The following DYM variants were observed in gnomAD, a reference collection of about 807,000 sequenced individuals.
The protein encoded by DYM is dyggve-Melchior-Clausen syndrome protein.
A neutral mutation model predicts 93.1 loss-of-function variants in DYM; 78 were observed. The ratio of observed to expected loss-of-function variants is 0.84; its 90% CI spans 0.70 to 1.01. DYM has a LOEUF of 1.01. Ranked by LOEUF, DYM falls within the 50% of genes least tolerant of loss-of-function variation. DYM has a pLI of 0.00. For synonymous variants in DYM, 321 were observed against 319.7 expected (o/e 1.00, Z -0.04); for missense variants, 789 against 845.0 (o/e 0.93, Z 0.82).
chr18:49,104,455 T>C (rs573286975), intron 16 of DYM, among the ~76,000 whole-genome samples: 17 of 152,188 alleles, frequency 1.1e-4, no homozygotes, highest in Non-Finnish European at 1.8e-4. Flanking sequence ...CTATGTTGAA[T>C]AGGAGTGGTG....
chr18:49,069,289 C>T (rs1175353720), intron 17 of DYM, among the ~76,000 whole-genome samples: 1 of 152,186 alleles, frequency 6.6e-6, no homozygotes, highest in African/African-American at 2.4e-5. Flanking sequence ...AGAAAACTAA[C>T]CTGCTAAAGA....
intron 14 of DYM, among the ~76,000 whole-genome samples, chr18:49,191,256 G>A (rs2090944053): frequency 6.6e-6 from 1 of 152,064 alleles, no homozygotes; most frequent in Admixed American, 6.5e-5. Flanking sequence ...GAAGCTATGA[G>A]ACTATTAATC....
At chr18:49,316,382 T>C (rs898702139) in intron 8 of DYM, among the ~76,000 whole-genome samples, 11 of 152,310 alleles carry the variant, frequency 7.2e-5, no homozygotes, top group African/African-American at 2.6e-4. Context: ...ACTGGCTTAT[T>C]TTGTAAAACT....
intron 11 of DYM, among the ~76,000 whole-genome samples, chr18:49,260,704 C>G (rs1354848655): frequency 6.6e-6 from 1 of 152,152 alleles, no homozygotes; most frequent in Non-Finnish European, 1.5e-5. Context: ...GAGTTCCCAT[C>G]TTGAACACTA....
chr18:49,458,828 G>A (rs1338091595), intron 1 of DYM, among the ~76,000 whole-genome samples: 1 of 152,108 alleles, frequency 6.6e-6, no homozygotes, highest in African/African-American at 2.4e-5. Context: ...GACAGAGCGA[G>A]ACTCTGCCTC....
At position 49,336,602 on chromosome 18, in the gene DYM, C is replaced by T. The variant is rs115241058; in HGVS notation, c.495-2749G>A. ...CAGAGAAACAAATTATATCAAATTG[C>T]TTATCACACAGTATTTTTGCTCATA... is the stretch of plus-strand genomic sequence containing the variant. On this transcript the variant is annotated intron_variant, in intron 6 of 17. Coordinates refer to ENST00000675505, the MANE Select transcript of DYM (RefSeq NM_001353214.3). 5.3e-3 allele frequency among the ~76,000 whole-genome samples: 802 copies of T among 152,224 alleles called. 10 individuals carry two copies. Among genetic ancestry groups the T allele is most frequent in the African/African-American group, 0.018 (753 of 41,538 alleles).
rs192668912 is a variant in DYM at position 49,276,548 on chromosome 18, A to T, written c.1126-4245T>A. 3.4e-4 allele frequency among the ~76,000 whole-genome samples: 52 copies of T among 152,286 alleles called. 1 individual carries two copies. Among genetic ancestry groups the T allele is most frequent in the African/African-American group, 1.2e-3 (51 of 41,582 alleles). On this transcript the variant is annotated intron_variant, in intron 10 of 17. Transcript: ENST00000675505. ...GGAAAAAGGAGAAAATTTCAAGGAG[A>T]AGTATTCTAGAGAGAAAAACCAAGT...
intron 15 of DYM, among the ~76,000 whole-genome samples, chr18:49,161,374 G>A (rs1161733282): frequency 6.6e-6 from 1 of 152,154 alleles, no homozygotes; most frequent in African/African-American, 2.4e-5. Context: ...GATTAAAGAA[G>A]AATGCTACTA....
chr18:49,290,067 CTT>C (rs1028667634), intron 8 of DYM, among the ~76,000 whole-genome samples: 1 of 144,636 alleles, frequency 6.9e-6, no homozygotes, highest in Non-Finnish European at 1.5e-5. Flanking sequence ...CCCAGCAATT[CTT>C]TTTTTTTTTC....
At chr18:49,245,216 T>C (rs1265866542) in intron 13 of DYM, among the ~76,000 whole-genome samples, 1 of 152,206 alleles carries the variant, frequency 6.6e-6, no homozygotes, top group Non-Finnish European at 1.5e-5. Flanking sequence ...GTGATGATTG[T>C]GTTAACTGTA....
At chr18:49,230,961 T>A (rs1278443104) in intron 13 of DYM, among the ~76,000 whole-genome samples, 1 of 152,208 alleles carries the variant, frequency 6.6e-6, no homozygotes, top group Non-Finnish European at 1.5e-5. Flanking sequence ...CACATAGAGC[T>A]TAAATAATCA....
At chr18:49,440,293 C>G (rs1226441479) in intron 1 of DYM, among the ~76,000 whole-genome samples, 1 of 137,720 alleles carries the variant, frequency 7.3e-6, no homozygotes, top group Admixed American at 7.9e-5. Flanking sequence ...ATTCTACACT[C>G]TATTCCAGAA....
intron 1 of DYM, among the ~76,000 whole-genome samples, chr18:49,444,403 A>G (rs971687249): frequency 2.0e-5 from 3 of 152,182 alleles, no homozygotes; most frequent in Admixed American, 1.3e-4. Context: ...CAGACTTGAT[A>G]TATCTGTTAA....
intron 6 of DYM, among the ~76,000 whole-genome samples, chr18:49,341,243 C>T (rs1244082995): frequency 2.0e-5 from 3 of 152,106 alleles, no homozygotes; most frequent in Non-Finnish European, 4.4e-5. Context: ...GTAATCCCAG[C>T]ACTTTGGGAG....
At chr18:49,106,428 G>A (rs1248954022) in intron 16 of DYM, among the ~76,000 whole-genome samples, 1 of 152,166 alleles carries the variant, frequency 6.6e-6, no homozygotes, top group African/African-American at 2.4e-5. Flanking sequence ...ATTGTTATGT[G>A]TGAATTTGAT....
intron 14 of DYM, among the ~76,000 whole-genome samples, chr18:49,203,663 T>A (rs1293492155): frequency 1.4e-5 from 2 of 141,068 alleles, no homozygotes; most frequent in African/African-American, 5.3e-5. Flanking sequence ...AGCATGCTCG[T>A]TAAGAGTCAT....
chr18:49,075,129 G>A (rs1216855890), intron 17 of DYM, among the ~76,000 whole-genome samples: 1 of 152,156 alleles, frequency 6.6e-6, no homozygotes, highest in Non-Finnish European at 1.5e-5. Context: ...GAACAGCATA[G>A]ATTTTACAGC....
At chr18:49,062,331 T>C (rs1462235676) in intron 17 of DYM, among the ~76,000 whole-genome samples, 2 of 152,216 alleles carry the variant, frequency 1.3e-5, no homozygotes, top group African/African-American at 4.8e-5. Flanking sequence ...AACGATTAAC[T>C]TTCTGATCAC....
intron 2 of DYM, among the ~76,000 whole-genome samples, chr18:49,399,815 A>C (rs2148019337): frequency 6.6e-6 from 1 of 152,104 alleles, no homozygotes; most frequent in African/African-American, 2.4e-5. Context: ...AGGAGACAGA[A>C]TTATTTCCCC....
Sources: gnomAD v4.1 joint callset for allele counts (sites outside exome capture counted in the v4.1 genomes callset) on GRCh38, gnomAD v4.1.1 for gene constraint, MANE v1.5 for transcripts, NCBI Gene and HGNC (gene_info 2026-07-23, HGNC 2026-07-21) for gene names.